The following GALNT7 variants were observed in gnomAD, a reference collection of about 807,000 sequenced individuals.
GALNT7 encodes N-acetylgalactosaminyltransferase 7.
Under a neutral mutation model 82.1 loss-of-function variants are expected in GALNT7, and 60 were observed. The ratio of observed to expected loss-of-function variants is 0.73; its 90% CI spans 0.59 to 0.91. The LOEUF (loss-of-function observed/expected upper bound fraction) is 0.91, where lower values mean the gene tolerates loss of function less well. Ranked by LOEUF, GALNT7 falls within the 40% of genes least tolerant of loss-of-function variation. The probability of loss-of-function intolerance (pLI) is 0.00; values close to 1 mark genes in which losing one functional copy is unlikely to be tolerated. For synonymous variants in GALNT7, 243 were observed against 275.1 expected (o/e 0.88, Z 1.15); for missense variants, 660 against 804.2 (o/e 0.82, Z 2.17).
intron 2 of GALNT7, among the ~76,000 whole-genome samples, chr4:173,277,983 G>A (rs1245696150): frequency 6.6e-6 from 1 of 151,632 alleles, no homozygotes; most frequent in Non-Finnish European, 1.5e-5. Context: ...GTAATCCTCA[G>A]GTACTGGAGA....
intron 2 of GALNT7, among the ~76,000 whole-genome samples, chr4:173,250,912 T>C (rs1734825178): frequency 6.6e-6 from 1 of 152,218 alleles, no homozygotes; most frequent in Non-Finnish European, 1.5e-5. Context: ...TCCCATCCTT[T>C]AGGCCTCTCT....
At chr4:173,226,683 G>C (rs371921676) in intron 1 of GALNT7, among the ~76,000 whole-genome samples, 85 of 152,180 alleles carry the variant, frequency 5.6e-4, no homozygotes, top group African/African-American at 2.0e-3. Context: ...GAAGGGCTGT[G>C]TGTGCTATCA....
chr4:173,222,898 A>G (rs1733689051), intron 1 of GALNT7, among the ~76,000 whole-genome samples: 1 of 152,236 alleles, frequency 6.6e-6, no homozygotes, highest in African/African-American at 2.4e-5. Context: ...TTAAGGTTAG[A>G]TGTTTTAAAT....
At chr4:173,270,919 G>A (rs1228511296) in intron 2 of GALNT7, among the ~76,000 whole-genome samples, 1 of 152,206 alleles carries the variant, frequency 6.6e-6, no homozygotes, top group African/African-American at 2.4e-5. Flanking sequence ...CAGTATGACA[G>A]CTATCTAGAA....
At chr4:173,172,116 T>C (rs1206418472) in intron 1 of GALNT7, among the ~76,000 whole-genome samples, 1 of 152,168 alleles carries the variant, frequency 6.6e-6, no homozygotes, top group Non-Finnish European at 1.5e-5. Flanking sequence ...CGGAAGGAAG[T>C]ACACTTTGAA....
At chr4:173,172,214 G>T (rs1731900637) in intron 1 of GALNT7, among the ~76,000 whole-genome samples, 1 of 152,210 alleles carries the variant, frequency 6.6e-6, no homozygotes, top group African/African-American at 2.4e-5. Context: ...TCCAGGGTTT[G>T]CGTTTCTTCT....
intron 4 of GALNT7, 83 bp downstream of exon 4, chr4:173,295,609 T>G: frequency 7.1e-7 from 1 of 1,400,840 alleles, no homozygotes; most frequent in African/African-American, 1.4e-5. Context: ...TCTTCAGTTT[T>G]TTTAATTGAA....
Position 173,168,811 on chromosome 4 carries a change from G to C in GALNT7, c.-25G>C. 2 of 1,607,082 alleles carry C rather than the reference G, an allele frequency of 1.2e-6. No individual in the cohort carries two copies. Among genetic ancestry groups the C allele is most frequent in the Non-Finnish European group, 8.5e-7 (1 of 1,177,050 alleles). On this transcript the variant is annotated 5_prime_UTR_variant, in exon 1 of 12. Coordinates refer to ENST00000265000, the MANE Select transcript of GALNT7 (RefSeq NM_017423.3). ...GCGGTGGCGGCGGCTGCGCCGGGCT[G>C]TGAGTCTCTCGCCGCCGGAGGAAGA... is the stretch of plus-strand genomic sequence containing the variant.
chr4:173,218,875 G>A (rs1733551998), intron 1 of GALNT7, among the ~76,000 whole-genome samples: 1 of 152,050 alleles, frequency 6.6e-6, no homozygotes, highest in African/African-American at 2.4e-5. Context: ...CTCATACTGT[G>A]CTAGATGCCT....
chr4:173,201,085 T>A (rs991344209), intron 1 of GALNT7, among the ~76,000 whole-genome samples: 4 of 152,202 alleles, frequency 2.6e-5, no homozygotes, highest in African/African-American at 7.2e-5. Context: ...TGTAAATTAC[T>A]GTTTTTTACT....
At chr4:173,189,767 A>G (rs1732567683) in intron 1 of GALNT7, among the ~76,000 whole-genome samples, 1 of 152,220 alleles carries the variant, frequency 6.6e-6, no homozygotes, top group African/African-American at 2.4e-5. Context: ...TTTTTACTCC[A>G]TATTCAGTGT....
intron 2 of GALNT7, among the ~76,000 whole-genome samples, chr4:173,255,269 T>C (rs1734996080): frequency 6.6e-6 from 1 of 152,162 alleles, no homozygotes; most frequent in African/African-American, 2.4e-5. Context: ...TCCCTTCCCT[T>C]GGTGGAAACG....
intron 1 of GALNT7, among the ~76,000 whole-genome samples, chr4:173,215,325 G>T (rs967950135): frequency 6.6e-6 from 1 of 151,432 alleles, no homozygotes; most frequent in African/African-American, 2.4e-5. Flanking sequence ...CCGTCTCCTG[G>T]ATTCAAGCGA....
At position 173,225,018 on chromosome 4, in the gene GALNT7, A is replaced by AAAT. The variant is rs70944438; in HGVS notation, c.127-22931_127-22929dup. Among the ~76,000 whole-genome samples, 546 of 144,562 alleles carry AAAT rather than the reference A, an allele frequency of 3.8e-3. 2 individuals are homozygous for AAAT. Among genetic ancestry groups the AAAT allele is most frequent in the African/African-American group, 0.01 (408 of 39,348 alleles). 94.8% of individuals were successfully genotyped at this position (144,562 alleles called of 152,430 possible). On this transcript the variant is annotated intron_variant, in intron 1 of 11. Coordinates refer to ENST00000265000, the MANE Select transcript of GALNT7 (RefSeq NM_017423.3). ...CGACAGAGCGAGACTCTGTCTCAAA[A>AAAT]AATAATAATAATAATAATAATAATA...
intron 2 of GALNT7, among the ~76,000 whole-genome samples, chr4:173,249,278 CA>C (rs1734767477): frequency 6.6e-6 from 1 of 152,294 alleles, no homozygotes; most frequent in Admixed American, 6.5e-5. Flanking sequence ...GTTAATACAG[CA>C]GGTGCTCACA....
At chr4:173,317,601 G>A in intron 9 of GALNT7, 33 bp from the exon 10 acceptor site, 1 of 1,285,942 alleles carries the variant, frequency 7.8e-7, no homozygotes, top group Non-Finnish European at 1.1e-6. Context: ...CTAAACTGTT[G>A]CCTGCTTTTT....
chr4:173,320,438 TAGTG>T lies in GALNT7; in HGVS notation c.1837-1139_1837-1136del, dbSNP rs1223397455. ...AATAACTATGTTTACCCACAAAAAA[TAGTG>T]AGAAGAATGGAATTCTGTATTTTTG... On this transcript the variant is annotated intron_variant, in intron 11 of 11. Transcript: ENST00000265000. The surrounding 1 kb of genome is among the most constrained non-coding windows in gnomAD (Gnocchi z 4.1). Among the ~76,000 whole-genome samples, 3 of 152,090 alleles carry T rather than the reference TAGTG, an allele frequency of 2.0e-5. No individual in the cohort carries two copies. The highest frequency in any genetic ancestry group is 4.8e-5 in the African/African-American group (2 of 41,430).
intron 1 of GALNT7, among the ~76,000 whole-genome samples, chr4:173,193,071 G>A (rs1438450534): frequency 2.0e-5 from 3 of 152,206 alleles, no homozygotes; most frequent in African/African-American, 7.2e-5. Flanking sequence ...AAGGAGTGAA[G>A]TAGATTTTCA....
At position 173,271,449 on chromosome 4, in the gene GALNT7, G is replaced by GTTTA. The variant is rs907797175; in HGVS notation, c.588-20640_588-20637dup. On this transcript the variant is annotated intron_variant, in intron 2 of 11. Coordinates refer to ENST00000265000, the MANE Select transcript of GALNT7 (RefSeq NM_017423.3). ...TTTATGTTAAACTGTTTGTTTGTTT[G>GTTTA]TTTATTTATTTATTTATTTATTGAG... Among the ~76,000 whole-genome samples the GTTTA allele has an allele frequency of 2.8e-3, 397 of 142,680 alleles. 2 individuals are homozygous for GTTTA. Among genetic ancestry groups the GTTTA allele is most frequent in the African/African-American group, 9.7e-3 (325 of 33,406 alleles). The allele number at this position is 142,680 out of a possible 152,430, so 93.6% of individuals were successfully genotyped here.
Sources: allele counts gnomAD v4.1 joint callset (sites outside exome capture counted in the v4.1 genomes callset), GRCh38; gene constraint gnomAD v4.1.1; non-coding constraint Gnocchi (gnomAD v3.1); transcripts MANE v1.5; gene names NCBI Gene and HGNC (gene_info 2026-07-23, HGNC 2026-07-21).